Variants in ITSN1 observed in about 807,000 individuals in gnomAD.
The protein encoded by ITSN1 is intersectin 1.
A neutral mutation model predicts 239.8 loss-of-function variants in ITSN1; 58 were observed. The observed-to-expected ratio is 0.24, with a 90% confidence interval of 0.20 to 0.30. The LOEUF (loss-of-function observed/expected upper bound fraction) is 0.30, where lower values mean the gene tolerates loss of function less well. Among genes scored for constraint, ITSN1 ranks in the 10% least tolerant of loss-of-function variants. The pLI is 1.00. For synonymous variants in ITSN1, 780 were observed against 770.8 expected, an observed-to-expected ratio of 1.01 and a Z score of -0.20; for missense variants, 1,558 against 2,103.3, an observed-to-expected ratio of 0.74 and a Z score of 5.07.
At chr21:33,791,533 G>T (rs1206475547) in intron 16 of ITSN1, among the ~76,000 whole-genome samples, 1 of 151,732 alleles carries the variant, frequency 6.6e-6, no homozygotes, top group Non-Finnish European at 1.5e-5. Context: ...TCATAGGTAG[G>T]TTTTTTTTCT....
intron 11 of ITSN1, among the ~76,000 whole-genome samples, chr21:33,768,724 T>C (rs922397700): frequency 2.6e-5 from 4 of 152,234 alleles, no homozygotes; most frequent in African/African-American, 9.6e-5. Context: ...TGATAAATAC[T>C]TTGTCAGTGT....
chr21:33,753,464 T>TA (rs2067695221), intron 7 of ITSN1, among the ~76,000 whole-genome samples: 1 of 151,848 alleles, frequency 6.6e-6, no homozygotes, highest in Non-Finnish European at 1.5e-5. Flanking sequence ...AGTTCCTTTT[T>TA]AAAAAAAATT....
chr21:33,757,905 C>T lies in ITSN1; in HGVS notation c.724+2508C>T, dbSNP rs550854985. Among the ~76,000 whole-genome samples, 11 of 152,024 alleles carry T rather than the reference C, an allele frequency of 7.2e-5. No homozygotes were observed. The East Asian group carries it at 1.9e-3, about 27-fold the overall frequency. On this transcript the variant is annotated intron_variant, in intron 8 of 39. Coordinates refer to ENST00000381318, the MANE Select transcript of ITSN1 (RefSeq NM_003024.3). ...TTTCTTTCTTTTTTTGAAACAGAGA[C>T]TTGCTTTGTTACCCAGGCTGGAGTG...
chr21:33,873,741 G>A (rs979818865), intron 33 of ITSN1, among the ~76,000 whole-genome samples: 5 of 152,028 alleles, frequency 3.3e-5, no homozygotes, highest in South Asian at 4.2e-4. Flanking sequence ...GCATGGTGGC[G>A]CACACCTGTT....
chr21:33,705,585 G>C (rs1279688556), intron 1 of ITSN1, among the ~76,000 whole-genome samples: 1 of 151,960 alleles, frequency 6.6e-6, no homozygotes. Context: ...GTAGAGACAG[G>C]GTTTCACTGT....
rs1214420188 is a variant in ITSN1, at chr21:33,882,637, G to C, written c.4554+182G>C. 6.6e-6 allele frequency among the ~76,000 whole-genome samples: 1 copy of C among 152,144 alleles called. No homozygotes were observed. The highest frequency in any genetic ancestry group is 2.4e-5 in the African/African-American group (1 of 41,426). On this transcript the variant is annotated intron_variant, in intron 35 of 39. Coordinates refer to ENST00000381318, the MANE Select transcript of ITSN1 (RefSeq NM_003024.3). The surrounding 1 kb of genome is among the most constrained non-coding windows in gnomAD (Gnocchi z 4.5). ...CGATCCATATCCCGCCGCAGTGTCA[G>C]TGACACTCAGTGCTATCGGTGGAAC...
chr21:33,789,891 T>C (rs1030436863), intron 16 of ITSN1, among the ~76,000 whole-genome samples: 1 of 152,250 alleles, frequency 6.6e-6, no homozygotes, highest in Admixed American at 6.5e-5. Flanking sequence ...TGAAATACTT[T>C]GGCTCTGTGC....
At chr21:33,667,753 T>C (rs1229607400) in intron 1 of ITSN1, among the ~76,000 whole-genome samples, 2 of 152,220 alleles carry the variant, frequency 1.3e-5, no homozygotes, top group Non-Finnish European at 2.9e-5. Flanking sequence ...TTCCTGAGTC[T>C]GCACTGTTCA....
At chr21:33,730,155 A>T (rs909007248) in intron 4 of ITSN1, among the ~76,000 whole-genome samples, 3 of 151,984 alleles carry the variant, frequency 2.0e-5, no homozygotes, top group African/African-American at 7.2e-5. Context: ...AATACATAAC[A>T]GATTAAAAAG....
intron 5 of ITSN1, among the ~76,000 whole-genome samples, chr21:33,745,147 C>T (rs1024128954): frequency 6.6e-6 from 1 of 152,178 alleles, no homozygotes; most frequent in African/African-American, 2.4e-5. Context: ...TTGTGTGTTT[C>T]CTGTAGTCTT....
At chr21:33,671,140 A>G (rs1403199826) in intron 1 of ITSN1, among the ~76,000 whole-genome samples, 1 of 152,198 alleles carries the variant, frequency 6.6e-6, no homozygotes, top group East Asian at 1.9e-4. Flanking sequence ...GTTCTGCACA[A>G]CCTGTTAAAT....
Position 33,875,514 on chromosome 21 carries a change from T to C in ITSN1, c.4334T>C (p.Leu1445Pro), listed in dbSNP as rs1317970810. 4 of 1,613,288 alleles carry C rather than the reference T, an allele frequency of 2.5e-6. No homozygotes were observed. The highest frequency in any genetic ancestry group is 1.7e-5 in the Admixed American group (1 of 59,968). The stretch of plus-strand genomic sequence containing the variant: ...CAGGCCCACGTGCAGTGTGAAGGCC[T>C]GTCTGAGGTAGCCAACCTTGGGGCT... Reference protein sequence around the residue: ...WIQAHVQCEGLSEQLVFNSVT... With the variant: ...WIQAHVQCEGPSEQLVFNSVT... Residue 1445 changes from leucine to proline, a missense_variant, in exon 34 of 40, where the codon CTG becomes CCG. Physicochemically the swap from Leu to Pro is moderately conservative, Grantham distance 98. This residue lies in a region of ITSN1 where 576 missense variants were observed against 893.3 expected (regional missense o/e 0.64). Coordinates refer to ENST00000381318, the MANE Select transcript of ITSN1 (RefSeq NM_003024.3).
chr21:33,746,258 A>G (rs897826445), intron 5 of ITSN1, among the ~76,000 whole-genome samples: 5 of 152,190 alleles, frequency 3.3e-5, no homozygotes, highest in African/African-American at 7.2e-5. Context: ...AGTAGCTACA[A>G]TGTATTATCT....
chr21:33,716,935 CAAA>C (rs796595572), intron 1 of ITSN1, among the ~76,000 whole-genome samples: 1 of 97,704 alleles, frequency 1.0e-5, no homozygotes, highest in South Asian at 3.2e-4. Context: ...GACTCCGTCT[CAAA>C]AAAAAAAAAA....
At chr21:33,886,758 G>C (rs1985865497) in intron 39 of ITSN1, among the ~76,000 whole-genome samples, 1 of 152,222 alleles carries the variant, frequency 6.6e-6, no homozygotes, top group South Asian at 2.1e-4. Context: ...AAGAGCCTCA[G>C]CATAGTTCTT....
At chr21:33,823,221 C>T (rs189343042) in intron 24 of ITSN1, among the ~76,000 whole-genome samples, 126 of 152,290 alleles carry the variant, frequency 8.3e-4, no homozygotes, top group East Asian at 7.7e-4. Context: ...ACTCAAGTGT[C>T]GGTAAACATG....
At chr21:33,728,980 C>G (rs1439097069) in intron 4 of ITSN1, among the ~76,000 whole-genome samples, 2 of 152,148 alleles carry the variant, frequency 1.3e-5, no homozygotes, top group African/African-American at 4.8e-5. Context: ...CAAGGGGCAG[C>G]AGGTGAGAGA....
intron 34 of ITSN1, among the ~76,000 whole-genome samples, chr21:33,875,948 G>A (rs1020908414): frequency 7.2e-5 from 11 of 152,178 alleles, no homozygotes; most frequent in African/African-American, 1.9e-4. Context: ...CCAAAGTGCT[G>A]GGATTACAGG....
At chr21:33,776,644 G>T (rs1281049008) in intron 14 of ITSN1, among the ~76,000 whole-genome samples, 1 of 151,870 alleles carries the variant, frequency 6.6e-6, no homozygotes, top group Non-Finnish European at 1.5e-5. Flanking sequence ...CATTTAATTT[G>T]TATTTCCCTG....
Sources: allele counts gnomAD v4.1 joint callset (sites outside exome capture counted in the v4.1 genomes callset), GRCh38; gene constraint gnomAD v4.1.1; regional missense constraint gnomAD v4.1.1; non-coding constraint Gnocchi (gnomAD v3.1); transcripts MANE v1.5; gene names NCBI Gene and HGNC (gene_info 2026-07-23, HGNC 2026-07-21).